PTPRT: variants seen among roughly 807,000 people sequenced by gnomAD.
The protein encoded by PTPRT is protein tyrosine phosphatase receptor type T.
A neutral mutation model predicts 176.8 loss-of-function variants in PTPRT; 56 were observed. That is an observed-to-expected ratio of 0.32 (90% confidence interval 0.26 to 0.40). PTPRT has a LOEUF of 0.40. Among genes scored for constraint, PTPRT ranks in the 10% least tolerant of loss-of-function variants. The pLI, the probability that PTPRT is intolerant of heterozygous loss-of-function variation, is 1.00. For synonymous variants in PTPRT, 783 were observed against 739.0 expected (o/e 1.06, Z -0.96); for missense variants, 1,540 against 1,908.2 (o/e 0.81, Z 3.60).
intron 7 of PTPRT, among the ~76,000 whole-genome samples, chr20:42,638,360 A>G (rs1351492085): frequency 6.6e-6 from 1 of 152,072 alleles, no homozygotes; most frequent in African/African-American, 2.4e-5. Flanking sequence ...GAGCGGTCGA[A>G]ACATAAAACA....
At chr20:42,529,361 T>C (rs956374363) in intron 7 of PTPRT, among the ~76,000 whole-genome samples, 1 of 152,150 alleles carries the variant, frequency 6.6e-6, no homozygotes, top group African/African-American at 2.4e-5. Flanking sequence ...TTGACACATG[T>C]GAAACAAGGA....
intron 21 of PTPRT, among the ~76,000 whole-genome samples, chr20:42,115,548 C>A (rs1987233489): frequency 6.6e-6 from 1 of 152,260 alleles, no homozygotes; most frequent in African/African-American, 2.4e-5. Context: ...GTAGTACCTT[C>A]TTTTGCAAAG....
chr20:42,414,329 T>C lies in PTPRT; in HGVS notation c.1560+33891A>G, dbSNP rs187344308. Among the ~76,000 whole-genome samples the C allele has an allele frequency of 1.2e-3, 179 of 152,350 alleles. 2 individuals carry two copies. The highest frequency in any genetic ancestry group is 7.5e-3 in the South Asian group (36 of 4,830). ...TCTCATATCCAAATTTTGCTTTCTG[T>C]TTAATGTTGAAATAATCCAAGCATT... On this transcript the variant is annotated intron_variant, in intron 9 of 30. Coordinates refer to ENST00000373187, the MANE Select transcript of PTPRT (RefSeq NM_007050.6).
intron 1 of PTPRT, among the ~76,000 whole-genome samples, chr20:43,041,782 T>G (rs1301053881): frequency 6.6e-6 from 1 of 152,234 alleles, no homozygotes; most frequent in Non-Finnish European, 1.5e-5. Context: ...AAATAAAGTT[T>G]TATTGGAACA....
intron 9 of PTPRT, among the ~76,000 whole-genome samples, chr20:42,444,228 G>A (rs1270946436): frequency 6.6e-6 from 1 of 152,108 alleles, no homozygotes; most frequent in African/African-American, 2.4e-5. Context: ...TGCACTCACT[G>A]TTTTTATTCA....
chr20:42,902,107 G>A (rs747656468), intron 1 of PTPRT, among the ~76,000 whole-genome samples: 25 of 152,152 alleles, frequency 1.6e-4, no homozygotes, highest in Admixed American at 3.9e-4. Context: ...GATGGATGAC[G>A]GCAGCTTATT....
At chr20:42,867,602 GC>G (rs2145812740) in intron 2 of PTPRT, among the ~76,000 whole-genome samples, 1 of 151,240 alleles carries the variant, frequency 6.6e-6, no homozygotes, top group South Asian at 2.1e-4. Context: ...CAGACACTGA[GC>G]CTGCTGGCAC....
intron 8 of PTPRT, among the ~76,000 whole-genome samples, chr20:42,468,194 C>T (rs1218450868): frequency 6.6e-6 from 1 of 152,186 alleles, no homozygotes; most frequent in Non-Finnish European, 1.5e-5. Context: ...CCCCAGAAGA[C>T]AATTTTGTGG....
chr20:42,210,904 G>A (rs2055607790), intron 15 of PTPRT, among the ~76,000 whole-genome samples: 1 of 151,324 alleles, frequency 6.6e-6, no homozygotes. Flanking sequence ...TATACTACAA[G>A]GCTACAGTAA....
intron 17 of PTPRT, among the ~76,000 whole-genome samples, chr20:42,159,361 A>G (rs1989488628): frequency 6.6e-6 from 1 of 151,874 alleles, no homozygotes; most frequent in African/African-American, 2.4e-5. Context: ...TCTGAAGGCC[A>G]TGCTGTCTAT....
intron 8 of PTPRT, among the ~76,000 whole-genome samples, chr20:42,451,126 T>C (rs774019190): frequency 1.1e-4 from 16 of 151,984 alleles, no homozygotes; most frequent in Non-Finnish European, 2.2e-4. Context: ...GGAGAAAGAA[T>C]TGTAACGTGG....
chr20:42,286,714 A>T (rs1013096491), intron 12 of PTPRT, among the ~76,000 whole-genome samples: 2 of 151,878 alleles, frequency 1.3e-5, no homozygotes, highest in African/African-American at 4.8e-5. Flanking sequence ...GACCTTAAAC[A>T]TATAGGCAAA....
At chr20:42,955,666 G>A (rs140616613) in intron 1 of PTPRT, among the ~76,000 whole-genome samples, 2 of 152,112 alleles carry the variant, frequency 1.3e-5, no homozygotes, top group South Asian at 2.1e-4. Context: ...TTTTCCAGAC[G>A]CAAAGGCTGA....
In PTPRT at chr20:43,185,331, A is replaced by G. The variant is rs369479652; in HGVS notation, c.88+4315T>C. ...AAGTATCTTTTTCCCCCACAGCCCC[A>G]GAGTGCTGTGCAGTTGATCTCCAGG... On this transcript the variant is annotated intron_variant, in intron 1 of 30. Coordinates refer to ENST00000373187, the MANE Select transcript of PTPRT (RefSeq NM_007050.6). Among the ~76,000 whole-genome samples, 22 of 152,260 alleles carry G rather than the reference A, an allele frequency of 1.4e-4. No homozygotes were observed. In the East Asian group the frequency reaches 2.3e-3, roughly 16 times the overall value.
chr20:42,545,771 G>T (rs189635070), intron 7 of PTPRT, among the ~76,000 whole-genome samples: 3 of 152,146 alleles, frequency 2.0e-5, no homozygotes, highest in Admixed American at 2.0e-4. Flanking sequence ...AGCTGGCAAT[G>T]AAAGACTCCC....
chr20:42,858,740 G>A (rs1012814518), intron 2 of PTPRT, among the ~76,000 whole-genome samples: 12 of 152,154 alleles, frequency 7.9e-5, no homozygotes, highest in African/African-American at 2.7e-4. Context: ...CTTTTTTATA[G>A]AAGCCCAACT....
chr20:42,436,497 T>C (rs1048979570), intron 9 of PTPRT, among the ~76,000 whole-genome samples: 3 of 152,218 alleles, frequency 2.0e-5, no homozygotes, highest in Non-Finnish European at 4.4e-5. Flanking sequence ...GATACCATTT[T>C]ATATCTATTT....
At chr20:42,412,479 C>CA (rs1479748301) in intron 9 of PTPRT, among the ~76,000 whole-genome samples, 1 of 152,188 alleles carries the variant, frequency 6.6e-6, no homozygotes, top group African/African-American at 2.4e-5. Flanking sequence ...ATGGTACAAC[C>CA]ACTTTGGAAA....
At chr20:42,940,569 G>T (rs757746642) in intron 1 of PTPRT, among the ~76,000 whole-genome samples, 2 of 152,102 alleles carry the variant, frequency 1.3e-5, no homozygotes, top group Admixed American at 1.3e-4. Flanking sequence ...TTGACAGTGT[G>T]TTAGGCACGT....
Sources: allele counts gnomAD v4.1 joint callset (sites outside exome capture counted in the v4.1 genomes callset), GRCh38; gene constraint gnomAD v4.1.1; transcripts MANE v1.5; gene names NCBI Gene and HGNC (gene_info 2026-07-23, HGNC 2026-07-21).